The following DLC1 variants were observed in gnomAD, a reference collection of about 807,000 sequenced individuals.
The protein encoded by DLC1 is rho GTPase-activating protein 7.
Under a neutral mutation model 140.3 loss-of-function variants are expected in DLC1, and 54 were observed. The observed-to-expected ratio is 0.38, with a 90% CI of 0.31 to 0.48. The LOEUF (loss-of-function observed/expected upper bound fraction) is 0.48, where lower values mean the gene tolerates loss of function less well. DLC1 is among the 20% of genes least tolerant of loss of function. The pLI is 0.96. For missense variants in DLC1, 2,536 were observed against 1,907.0 expected, an observed-to-expected ratio of 1.33 and a Z score of -6.14; for synonymous variants, 986 against 728.1, an observed-to-expected ratio of 1.35 and a Z score of -5.70.
At chr8:13,347,224 CAG>C (rs1272160729) in intron 4 of DLC1, among the ~76,000 whole-genome samples, 1 of 152,148 alleles carries the variant, frequency 6.6e-6, no homozygotes, top group Non-Finnish European at 1.5e-5. Context: ...TTTTGGAAAA[CAG>C]AGAGAAACAA....
intron 4 of DLC1, among the ~76,000 whole-genome samples, chr8:13,384,790 C>G (rs1563302953): frequency 6.6e-6 from 1 of 151,994 alleles, no homozygotes; most frequent in Non-Finnish European, 1.5e-5. Context: ...TCTGTCCAGT[C>G]CAGGGTTCAG....
chr8:13,098,292 AT>A, intron 10 of DLC1, 106 bp downstream of exon 10: 1 of 1,337,752 alleles, frequency 7.5e-7, no homozygotes, highest in Non-Finnish European at 1.0e-6. Context: ...CAGATGAAAT[AT>A]ATTAATAAAG....
At chr8:13,598,202 G>C (rs578066718) in intron 1 of DLC1, among the ~76,000 whole-genome samples, 1 of 151,934 alleles carries the variant, frequency 6.6e-6, no homozygotes, top group Non-Finnish European at 1.5e-5. Context: ...AAATAAAATG[G>C]GATATAAATA....
chr8:13,194,709 T>C (rs945847995), intron 5 of DLC1, among the ~76,000 whole-genome samples: 1 of 152,192 alleles, frequency 6.6e-6, no homozygotes, highest in Non-Finnish European at 1.5e-5. Flanking sequence ...TTCCATTTTG[T>C]TATGGATAAG....
chr8:13,275,103 G>C (rs896278572), intron 5 of DLC1, among the ~76,000 whole-genome samples: 1 of 152,278 alleles, frequency 6.6e-6, no homozygotes, highest in Non-Finnish European at 1.5e-5. Context: ...GGTTCGACTT[G>C]ACATTGTTTA....
chr8:13,597,766 C>T (rs544654224), intron 1 of DLC1, among the ~76,000 whole-genome samples: 2 of 152,030 alleles, frequency 1.3e-5, no homozygotes, highest in African/African-American at 4.8e-5. Context: ...ATCTTGCTAA[C>T]CCCTACTCAA....
At chr8:13,429,404 T>C (rs1316603966) in intron 2 of DLC1, among the ~76,000 whole-genome samples, 1 of 151,802 alleles carries the variant, frequency 6.6e-6, no homozygotes, top group Non-Finnish European at 1.5e-5. Flanking sequence ...TACGGTCTGA[T>C]TTAATAAATT....
chr8:13,208,818 C>T (rs1827799184), intron 5 of DLC1, among the ~76,000 whole-genome samples: 1 of 151,570 alleles, frequency 6.6e-6, no homozygotes, highest in Non-Finnish European at 1.5e-5. Context: ...ACAAGCAATT[C>T]CTTAAAACTT....
intron 1 of DLC1, among the ~76,000 whole-genome samples, chr8:13,601,410 A>G (rs918331952): frequency 6.6e-6 from 1 of 151,814 alleles, no homozygotes; most frequent in Non-Finnish European, 1.5e-5. Flanking sequence ...TTCTAAAGAA[A>G]TGCCAGTGTT....
At chr8:13,420,532 A>G (rs921157726) in intron 2 of DLC1, among the ~76,000 whole-genome samples, 8 of 151,916 alleles carry the variant, frequency 5.3e-5, no homozygotes, top group Admixed American at 2.6e-4. Flanking sequence ...TGCATTAGGT[A>G]TTTGTCCTAA....
chr8:13,412,795 G>A (rs1425595919), intron 2 of DLC1, among the ~76,000 whole-genome samples: 1 of 152,006 alleles, frequency 6.6e-6, no homozygotes, highest in African/African-American at 2.4e-5. Context: ...AGCCGGGTGT[G>A]GTGGTGGGAG....
intron 5 of DLC1, among the ~76,000 whole-genome samples, chr8:13,189,587 A>G (rs1359654817): frequency 6.6e-6 from 1 of 152,094 alleles, no homozygotes; most frequent in East Asian, 1.9e-4. Context: ...CACGGAGAGA[A>G]AAGAAGGCAC....
chr8:13,533,857 C>G (rs1249067399), intron 1 of DLC1, among the ~76,000 whole-genome samples: 4 of 152,112 alleles, frequency 2.6e-5, no homozygotes, highest in South Asian at 2.1e-4. Flanking sequence ...TTTTCTTGCT[C>G]TCTCTCTTTC....
intron 1 of DLC1, among the ~76,000 whole-genome samples, chr8:13,527,121 C>G (rs188734255): frequency 2.0e-5 from 3 of 152,108 alleles, no homozygotes; most frequent in Non-Finnish European, 2.9e-5. Context: ...TAACTTAAAG[C>G]TACTGATCGA....
chr8:13,088,238 T>C (rs1336463692), intron 16 of DLC1, among the ~76,000 whole-genome samples: 1 of 151,686 alleles, frequency 6.6e-6, no homozygotes, highest in Non-Finnish European at 1.5e-5. Flanking sequence ...CACCACAACA[T>C]CTAGCTGATT....
chr8:13,267,694 A>G (rs1179167480), intron 5 of DLC1, among the ~76,000 whole-genome samples: 1 of 150,480 alleles, frequency 6.6e-6, no homozygotes, highest in Non-Finnish European at 1.5e-5. Context: ...ATCTTTTATA[A>G]AGAAAAGTTC....
intron 2 of DLC1, among the ~76,000 whole-genome samples, chr8:13,468,586 G>T (rs1350706730): frequency 1.3e-5 from 2 of 151,768 alleles, no homozygotes; most frequent in Admixed American, 1.3e-4. Context: ...TGTTGCCCAG[G>T]CTGGTCTTAA....
intron 2 of DLC1, among the ~76,000 whole-genome samples, chr8:13,439,213 A>G (rs1839252492): frequency 6.6e-6 from 1 of 152,162 alleles, no homozygotes; most frequent in South Asian, 2.1e-4. Context: ...GGTCCTAGGT[A>G]CTTGGTAGGC....
chr8:13,385,635 T>G (rs1438921634), intron 4 of DLC1, among the ~76,000 whole-genome samples: 1 of 152,214 alleles, frequency 6.6e-6, no homozygotes, highest in Non-Finnish European at 1.5e-5. Context: ...AATATTTATA[T>G]ATGTGATTTT....
Sources: allele counts gnomAD v4.1 joint callset (sites outside exome capture counted in the v4.1 genomes callset), GRCh38; gene constraint gnomAD v4.1.1; transcripts MANE v1.5; gene names NCBI Gene and HGNC (gene_info 2026-07-23, HGNC 2026-07-21).